IFT122: variants seen among roughly 807,000 people sequenced by gnomAD.
IFT122 encodes the protein intraflagellar transport protein 122 homolog.
IFT122 carries 118 observed loss-of-function variants against 161.6 expected under a neutral mutation model. That is an observed-to-expected ratio of 0.73 (90% confidence interval 0.63 to 0.85). The LOEUF (loss-of-function observed/expected upper bound fraction) is 0.85. Ranked by LOEUF, IFT122 falls within the 40% of genes least tolerant of loss-of-function variation. IFT122 has a pLI of 0.00. For missense variants in IFT122, 1,381 were observed against 1,579.6 expected (o/e 0.87, Z 2.13); for synonymous variants, 550 against 602.4 (o/e 0.91, Z 1.27).
At chr3:129,454,539 G>T (rs1030227279) in intron 3 of IFT122, among the ~76,000 whole-genome samples, 1 of 151,450 alleles carries the variant, frequency 6.6e-6, no homozygotes, top group Non-Finnish European at 1.5e-5. Flanking sequence ...GTGTGTGTGT[G>T]TGTGTGTGTG....
In IFT122 at chr3:129,459,086, C is replaced by T. The variant is rs548876185; in HGVS notation, c.272+409C>T. On this transcript the variant is annotated intron_variant, in intron 4 of 29. Transcript: ENST00000348417. ...TCTGCCGTGTTCTTCCCCTGTTCCT[C>T]TACTAGTTGGTCCCTATTTACCCTG... 5.3e-5 allele frequency among the ~76,000 whole-genome samples: 8 copies of T among 152,322 alleles called. No homozygotes were observed. In the South Asian group the frequency reaches 1.7e-3, roughly 32 times the overall value.
chr3:129,458,771 T>G, intron 4 of IFT122, 94 bp downstream of exon 4: 3 of 937,396 alleles, frequency 3.2e-6, no homozygotes, highest in South Asian at 2.7e-5. Flanking sequence ...AAAACTTTTT[T>G]CTCTTAAATT....
Position 129,447,282 on chromosome 3 carries a change from C to T in IFT122, c.42-2589C>T, listed in dbSNP as rs187528513. Among the ~76,000 whole-genome samples the T allele has an allele frequency of 2.0e-3, 312 of 152,242 alleles. 3 individuals are homozygous for T. Among genetic ancestry groups the T allele is most frequent in the African/African-American group, 7.1e-3 (295 of 41,542 alleles). On this transcript the variant is annotated intron_variant, in intron 1 of 29. Coordinates refer to ENST00000348417, the MANE Select transcript of IFT122 (RefSeq NM_052989.3). ...GGAGGCATGAGACATCAATCAGATA[C>T]ATTTAAGAAATACATTGGTTTGATC...
chr3:129,458,015 G>C (rs1197954899), intron 3 of IFT122: 1 of 158,266 alleles, frequency 6.3e-6, no homozygotes, highest in South Asian at 1.8e-4. Flanking sequence ...TGGGATTACA[G>C]GTGTGAGCCA....
rs780011126 is a variant in IFT122 at position 129,466,977 on chromosome 3, T to G, written c.651T>G (p.Thr217=). 1.5e-5 allele frequency: 24 copies of G among 1,614,126 alleles called. No homozygotes were observed. Among genetic ancestry groups the G allele is most frequent in the Non-Finnish European group, 2.0e-5 (24 of 1,179,952 alleles). The change falls in exon 8 of 30, where the codon ACT becomes ACG. Residue 217 remains threonine (T), a synonymous_variant. Coordinates refer to ENST00000348417, the MANE Select transcript of IFT122 (RefSeq NM_052989.3). ...VNRYIQEIPS[T]LKSAVYSSQG... ...GATATATTCAGGAAATCCCTTCCAC[T>G]CTGAAGTCAGCAGTGTACAGTAGTC... is the stretch of plus-strand genomic sequence containing the variant.
intron 14 of IFT122, among the ~76,000 whole-genome samples, chr3:129,482,113 TG>T (rs1427926458): frequency 6.6e-6 from 1 of 152,068 alleles, no homozygotes; most frequent in African/African-American, 2.4e-5. Context: ...ACCTACAGCG[TG>T]GGAAGGAAAC....
rs2080195249 is a variant in IFT122 at position 129,492,128 on chromosome 3, T to C, written c.1993-13T>C. 3.1e-6 allele frequency: 5 copies of C among 1,607,008 alleles called. No homozygotes were observed. The Admixed American group carries it at 8.3e-5, about 27-fold the overall frequency. Reference sequence around the variant, plus strand: ...GAAGACAGCTTATTTTATTCTTTATTTCTTCGCCACAGGCCTTCATCAGAG... The same window carrying C: ...GAAGACAGCTTATTTTATTCTTTATCTCTTCGCCACAGGCCTTCATCAGAG... On this transcript the variant is annotated splice_polypyrimidine_tract_variant and intron_variant, in intron 16 of 29. Transcript: ENST00000348417.
chr3:129,441,351 G>T (rs3138324), intron 1 of IFT122, among the ~76,000 whole-genome samples: 1 of 152,044 alleles, frequency 6.6e-6, no homozygotes, highest in East Asian at 1.9e-4. Context: ...GTTGGAGACG[G>T]GTCCTCTCTT....
chr3:129,448,100 CA>C (rs1559832891), intron 1 of IFT122, among the ~76,000 whole-genome samples: 1 of 152,098 alleles, frequency 6.6e-6, no homozygotes, highest in Non-Finnish European at 1.5e-5. Context: ...CTACCTTTTT[CA>C]AATATCTTCT....
At position 129,481,348 on chromosome 3, in the gene IFT122, A is replaced by G. The variant is rs1394621953; in HGVS notation, c.1489-182A>G. 4 of 625,106 alleles carry G rather than the reference A, an allele frequency of 6.4e-6. No homozygotes were observed. The Admixed American group carries it at 8.8e-5, about 14-fold the overall frequency. The allele number at this position is 625,106 out of a possible 1,614,324, so 38.7% of individuals were successfully genotyped here. On this transcript the variant is annotated intron_variant, in intron 13 of 29. Coordinates refer to ENST00000348417, the MANE Select transcript of IFT122 (RefSeq NM_052989.3). ...TGATGAACCTCGCTTCTGGCCTCCT[A>G]AGGATAAGCCATTGCCCCCCACCCC...
chr3:129,493,040 A>G (rs2080343929), intron 17 of IFT122, among the ~76,000 whole-genome samples: 2 of 151,828 alleles, frequency 1.3e-5, no homozygotes, highest in Non-Finnish European at 2.9e-5. Context: ...CTGGTTTCAA[A>G]TTCGTGGGCT....
chr3:129,450,210 T>A (rs907610610), intron 2 of IFT122, among the ~76,000 whole-genome samples: 2 of 152,176 alleles, frequency 1.3e-5, no homozygotes, highest in African/African-American at 2.4e-5. Flanking sequence ...ACAATCACAA[T>A]GCCTTTGAAA....
intron 11 of IFT122, among the ~76,000 whole-genome samples, chr3:129,477,185 C>G (rs144615785): frequency 4.9e-4 from 75 of 152,218 alleles, no homozygotes; most frequent in African/African-American, 1.7e-3. Context: ...GGGTGCTTCT[C>G]CCTCAGCCCT....
rs200502635 is a variant in IFT122, at chr3:129,467,043, C to T, written c.717C>T (p.Asp239=). The change falls in exon 8 of 30, where the codon GAC becomes GAT. Residue 239 remains aspartate (D), a synonymous_variant. Coordinates refer to ENST00000348417, the MANE Select transcript of IFT122 (RefSeq NM_052989.3). The stretch of plus-strand genomic sequence containing the variant: ...AGGAGGAAGAACCAGAGGAAGAGGA[C>T]GACAGTCCCAGGGACGACAACTTGT... The part of the protein sequence containing the change: ...EAEEEEPEEE[D]DSPRDDNLEE... The T allele has an allele frequency of 8.1e-6, 13 of 1,613,978 alleles. No homozygotes were observed. Among genetic ancestry groups the T allele is most frequent in the East Asian group, 2.2e-5 (1 of 44,890 alleles).
rs1346209979 is a variant in IFT122, at chr3:129,440,363, C to T, written c.33C>T (p.Ala11=). MRAVLTWRDK[A]EHCINDIAFK... is the part of the protein sequence containing the mutation. ...CCGTGTTGACGTGGAGAGATAAAGC[C>T]GAGCACTGGTGAGGAGCGGGGCGGT... The change falls in exon 1 of 30, where the codon GCC becomes GCT. Residue 11 remains alanine (A), a synonymous_variant. Coordinates refer to ENST00000348417, the MANE Select transcript of IFT122 (RefSeq NM_052989.3). 2 of 1,550,682 alleles carry T rather than the reference C, an allele frequency of 1.3e-6. No individual in the cohort carries two copies. Among genetic ancestry groups the T allele is most frequent in the South Asian group, 1.2e-5 (1 of 84,006 alleles).
chr3:129,506,663 A>C (rs2082222794), intron 22 of IFT122, 114 bp downstream of exon 22: 4 of 1,430,542 alleles, frequency 2.8e-6, no homozygotes, highest in Non-Finnish European at 3.9e-6. Flanking sequence ...TATTGGGTGT[A>C]TTGTCCATAA....
chr3:129,519,433 C>A, intron 28 of IFT122, 135 bp from the exon 29 acceptor site: 1 of 1,265,776 alleles, frequency 7.9e-7, no homozygotes. Flanking sequence ...GAGGAGCTTG[C>A]CACTGTTAGG....
chr3:129,506,418 A>G lies in IFT122; in HGVS notation c.2660A>G (p.Lys887Arg), dbSNP rs1559991444. The G allele has an allele frequency of 6.2e-7, 1 of 1,614,070 alleles. No individual in the cohort carries two copies. The highest frequency in any genetic ancestry group is 8.5e-7 in the Non-Finnish European group (1 of 1,180,026). The stretch of plus-strand genomic sequence containing the variant: ...TCCACCACTCCTACAGCGTTCCACA[A>G]GGCTGGGCGACAGAGAGAAGCGGTC... Reference protein sequence around the residue: ...RFEEAQKAFHKAGRQREAVQV... With the variant: ...RFEEAQKAFHRAGRQREAVQV... The change falls in exon 22 of 30, where the codon AAG (lysine) becomes AGG (arginine). Residue 887 changes from lysine (K) to arginine (R), a missense_variant. Physicochemically the swap from Lys to Arg is conservative, Grantham distance 26 (BLOSUM62 2). Transcript: ENST00000348417.
At position 129,499,029 on chromosome 3, in the gene IFT122, A is replaced by G. The variant is rs2081226479; in HGVS notation, c.2209-873A>G. ...CACTTCAGAGGTATGCTGAGGCCGA[A>G]GGAACACAGGCCCTAGGCCTGATCT... On this transcript the variant is annotated intron_variant, in intron 18 of 29. Coordinates refer to ENST00000348417, the MANE Select transcript of IFT122 (RefSeq NM_052989.3). 2.6e-5 allele frequency among the ~76,000 whole-genome samples: 4 copies of G among 152,342 alleles called. No individual in the cohort carries two copies. The South Asian group carries it at 8.3e-4, about 32-fold the overall frequency.
Sources: gnomAD v4.1 joint callset for allele counts (sites outside exome capture counted in the v4.1 genomes callset) on GRCh38, gnomAD v4.1.1 for gene constraint, MANE v1.5 for transcripts, NCBI Gene and HGNC (gene_info 2026-07-23, HGNC 2026-07-21) for gene names.